The following DIS3 variants were observed in gnomAD, a reference collection of about 807,000 sequenced individuals.
DIS3 encodes the protein exosome complex exonuclease RRP44.
DIS3 carries 103 observed loss-of-function variants against 113.0 expected under a neutral mutation model. The ratio of observed to expected loss-of-function variants is 0.91; its 90% confidence interval spans 0.78 to 1.07. The LOEUF (loss-of-function observed/expected upper bound fraction) is 1.07, where lower values mean the gene tolerates loss of function less well. DIS3 is among the 50% of genes least tolerant of loss of function. The probability of loss-of-function intolerance (pLI) is 0.00; values close to 1 mark genes in which losing one functional copy is unlikely to be tolerated. For synonymous variants in DIS3, 402 were observed against 394.3 expected, an observed-to-expected ratio of 1.02 and a Z score of -0.23; for missense variants, 1,121 against 1,167.1, an observed-to-expected ratio of 0.96 and a Z score of 0.58.
At chr13:72,770,181 T>C (rs1289864886) in intron 13 of DIS3, among the ~76,000 whole-genome samples, 1 of 152,138 alleles carries the variant, frequency 6.6e-6, no homozygotes, top group Non-Finnish European at 1.5e-5. Flanking sequence ...AACCACTAGT[T>C]GGTCTTTTCA....
At chr13:72,781,176 A>G in intron 1 of DIS3, 173 bp from the exon 2 acceptor site, 1 of 1,404,514 alleles carries the variant, frequency 7.1e-7, no homozygotes, top group Non-Finnish European at 9.8e-7. Context: ...TAAACCCTTC[A>G]GATCTATTAA....
In DIS3 at chr13:72,762,059, G is replaced by A; in HGVS notation, c.2206C>T (p.Leu736=). 1 of 1,614,098 alleles carries A rather than the reference G, an allele frequency of 6.2e-7. No homozygotes were observed. Among genetic ancestry groups the A allele is most frequent in the Non-Finnish European group, 8.5e-7 (1 of 1,180,016 alleles). Residue 736 remains leucine (L), a synonymous_variant, in exon 17 of 21, where the codon CTA becomes TTA. Transcript: ENST00000377767. ...DQAESPTFPY[L]NTLLRILATR... is the part of the protein sequence containing the mutation. ...GCTAATATTCTCAACAGAGTGTTTA[G>A]ATATGGAAAAGTAGGAGATTCGGCC...
intron 18 of DIS3, 43 bp downstream of exon 18, chr13:72,761,603 C>T (rs1156644886): frequency 6.5e-7 from 1 of 1,537,676 alleles, no homozygotes; most frequent in Non-Finnish European, 8.7e-7. Flanking sequence ...TAAAAATGAA[C>T]AAAACTTCAT....
At chr13:72,760,426 C>A in intron 20 of DIS3, 103 bp downstream of exon 20, 2 of 1,441,794 alleles carry the variant, frequency 1.4e-6, no homozygotes, top group Non-Finnish European at 1.9e-6. Flanking sequence ...ACACTACTTA[C>A]AGGGTTCCCT....
chr13:72,771,211 T>C (rs1015182866), intron 11 of DIS3, 66 bp from the exon 12 acceptor site: 5 of 1,265,186 alleles, frequency 4.0e-6, no homozygotes, highest in Admixed American at 2.0e-5. Context: ...TGAGGTTCTA[T>C]TCTCAAATAA....
chr13:72,753,817 T>C lies in DIS3; in HGVS notation c.*5978A>G. The C allele has an allele frequency of 6.2e-7, 1 of 1,612,104 alleles. No individual in the cohort carries two copies. Among genetic ancestry groups the C allele is most frequent in the Non-Finnish European group, 8.5e-7 (1 of 1,178,600 alleles). On this transcript the variant is annotated 3_prime_UTR_variant, in exon 21 of 21. Transcript: ENST00000377767. ...GAGAGTAAATCTCAAGCATTTAATA[T>C]GAAGGTACGGAGAAAATATAGTGAA... is the stretch of plus-strand genomic sequence containing the variant.
rs545946271 is a variant in DIS3 at position 72,765,505 on chromosome 13, A to C, written c.1970+467T>G. 7.9e-5 allele frequency among the ~76,000 whole-genome samples: 12 copies of C among 152,284 alleles called. No homozygotes were observed. In the East Asian group the frequency reaches 1.9e-3, roughly 25 times the overall value. Reference sequence around the variant, plus strand: ...TGGTTTCATCAGGCATTAGATTATCATAAGAAGTGCACAACTTAGATCCCT... The same window carrying C: ...TGGTTTCATCAGGCATTAGATTATCCTAAGAAGTGCACAACTTAGATCCCT... On this transcript the variant is annotated intron_variant, in intron 15 of 20. Transcript: ENST00000377767.
intron 20 of DIS3, 103 bp from the exon 21 acceptor site, chr13:72,759,981 G>A: frequency 1.1e-6 from 1 of 921,938 alleles, no homozygotes; most frequent in East Asian, 2.4e-5. Context: ...TTAAAAGGAT[G>A]TAGTGGTAGG....
rs1384825167 is a variant in DIS3 at position 72,768,835 on chromosome 13, A to G, written c.1833T>C (p.Arg611=). 1 of 1,610,816 alleles carries G rather than the reference A, an allele frequency of 6.2e-7. No homozygotes were observed. The highest frequency in any genetic ancestry group is 2.2e-5 in the East Asian group (1 of 44,752). Residue 611 remains arginine (R), a synonymous_variant, in exon 14 of 21, where the codon CGT becomes CGC. Coordinates refer to ENST00000377767, the MANE Select transcript of DIS3 (RefSeq NM_014953.5). Reference sequence around the variant, plus strand: ...GAATTTTGGCTAGTTTATTCAGTCCACGGAGACTAGTGGTAATATCATCAT... The same window carrying G: ...GAATTTTGGCTAGTTTATTCAGTCCGCGGAGACTAGTGGTAATATCATCAT... The part of the protein sequence containing the change: ...NMNDDITTSL[R]GLNKLAKILK...
In DIS3 at chr13:72,758,345, T is replaced by A. The variant is rs2033544581; in HGVS notation, c.*1450A>T. On this transcript the variant is annotated 3_prime_UTR_variant, in exon 21 of 21. Coordinates refer to ENST00000377767, the MANE Select transcript of DIS3 (RefSeq NM_014953.5). Reference sequence around the variant, plus strand: ...GCCAAGTGACATGTCTCAGAACATATCCCTGTCATTAAGTGACATATGACT... The same window carrying A: ...GCCAAGTGACATGTCTCAGAACATAACCCTGTCATTAAGTGACATATGACT... 1.1e-5 allele frequency: 2 copies of A among 184,012 alleles called. No individual in the cohort carries two copies. Among genetic ancestry groups the A allele is most frequent in the Non-Finnish European group, 2.3e-5 (2 of 86,686 alleles). The allele number at this position is 184,012 out of a possible 1,614,324, so 11.4% of individuals were successfully genotyped here.
In DIS3 at chr13:72,755,786, T is replaced by TTAAG. The variant is rs2033447656; in HGVS notation, c.*4005_*4008dup. On this transcript the variant is annotated 3_prime_UTR_variant, in exon 21 of 21. Coordinates refer to ENST00000377767, the MANE Select transcript of DIS3 (RefSeq NM_014953.5). ...GTGATAACTGTTCTAGTTACTACTTTTAAGTATGTAAATACTAGAAAGGTA... is the reference window on the plus strand; with the variant it reads ...GTGATAACTGTTCTAGTTACTACTTTTAAGTAAGTATGTAAATACTAGAAAGGTA... 5.0e-6 allele frequency: 2 copies of TTAAG among 398,078 alleles called. No individual in the cohort carries two copies. Among genetic ancestry groups the TTAAG allele is most frequent in the South Asian group, 1.3e-4 (1 of 7,552 alleles). The allele number at this position is 398,078 out of a possible 1,614,324, so 24.7% of individuals were successfully genotyped here. A position where few individuals can be genotyped will look rare whatever the true frequency, so the allele number is the denominator to read the frequency against.
chr13:72,759,940 A>C, intron 20 of DIS3, 62 bp from the exon 21 acceptor site: 380 of 1,318,086 alleles, frequency 2.9e-4, no homozygotes, highest in Non-Finnish European at 3.8e-4. Context: ...TCTCAACCTC[A>C]TCCTCCCCTT....
chr13:72,765,254 T>C (rs1052859518), intron 15 of DIS3, among the ~76,000 whole-genome samples: 3 of 152,100 alleles, frequency 2.0e-5, no homozygotes, highest in Non-Finnish European at 2.9e-5. Context: ...GACAAATAAA[T>C]TGAGGCATGG....
intron 2 of DIS3, among the ~76,000 whole-genome samples, 179 bp downstream of exon 2, chr13:72,780,667 C>A (rs967073916): frequency 4.6e-5 from 7 of 152,100 alleles, no homozygotes; most frequent in African/African-American, 1.7e-4. Flanking sequence ...CCCATCAATG[C>A]CTGTGTGACC....
intron 13 of DIS3, among the ~76,000 whole-genome samples, chr13:72,770,590 A>C (rs906330450): frequency 3.3e-5 from 5 of 152,142 alleles, no homozygotes; most frequent in African/African-American, 1.2e-4. Flanking sequence ...TTCTTCTCTG[A>C]GAGTAGGTAG....
chr13:72,759,921 T>C lies in DIS3; in HGVS notation c.2794-43A>G, dbSNP rs144632595. ...GGGGGAAATAAGGTGATTTAAAGGA[T>C]AGAATACATCTCAACCTCATCCTCC... On this transcript the variant is annotated intron_variant, in intron 20 of 20. Transcript: ENST00000377767. The C allele has an allele frequency of 5.1e-3, 7,522 of 1,489,494 alleles. 35 individuals carry two copies. The highest frequency in any genetic ancestry group is 5.7e-3 in the Non-Finnish European group (6,108 of 1,071,076). 92.3% of individuals were successfully genotyped at this position (1,489,494 alleles called of 1,614,324 possible).
chr13:72,773,934 C>A lies in DIS3; in HGVS notation c.1101+12G>T. On this transcript the variant is annotated intron_variant, in intron 7 of 20. Transcript: ENST00000377767. ...TCATTTTTTTATTACATAGTAAATG[C>A]TCTTTACTCACCTCCTTAATGTCAG... 6.3e-7 allele frequency: 1 copy of A among 1,587,240 alleles called. No individual in the cohort carries two copies. Among genetic ancestry groups the A allele is most frequent in the Middle Eastern group, 1.7e-4 (1 of 5,916 alleles).
chr13:72,756,056 T>A lies in DIS3; in HGVS notation c.*3739A>T, dbSNP rs1002049601. On this transcript the variant is annotated 3_prime_UTR_variant, in exon 21 of 21. Transcript: ENST00000377767. The stretch of plus-strand genomic sequence containing the variant: ...TGTATGTTATATACAACTATTTTTT[T>A]AAAAAACTTATATCCATGTTGGGAG... 43 of 396,948 alleles carry A rather than the reference T, an allele frequency of 1.1e-4. No individual in the cohort carries two copies. Among genetic ancestry groups the A allele is most frequent in the Non-Finnish European group, 1.7e-4 (39 of 225,424 alleles). The allele number at this position is 396,948 out of a possible 1,614,324, so 24.6% of individuals were successfully genotyped here.
intron 15 of DIS3, among the ~76,000 whole-genome samples, chr13:72,765,137 A>C (rs1373601961): frequency 6.6e-6 from 1 of 152,054 alleles, no homozygotes; most frequent in Admixed American, 6.6e-5. Context: ...TTAACAAAAA[A>C]ATTCTTGTTT....
Sources: gnomAD v4.1 joint callset for allele counts (sites outside exome capture counted in the v4.1 genomes callset) on GRCh38, gnomAD v4.1.1 for gene constraint, MANE v1.5 for transcripts, NCBI Gene and HGNC (gene_info 2026-07-23, HGNC 2026-07-21) for gene names.